Variants in CCNY observed in about 807,000 individuals in gnomAD.
CCNY encodes the protein cyclin-Y.
CCNY carries 19 observed loss-of-function variants against 42.8 expected under a neutral mutation model. The observed-to-expected ratio is 0.44, with a 90% CI of 0.31 to 0.65. CCNY has a LOEUF of 0.65. Ranked by LOEUF, CCNY falls within the 30% of genes least tolerant of loss-of-function variation. The pLI is 0.07. For synonymous variants in CCNY, 165 were observed against 162.7 expected (o/e 1.01, Z -0.11); for missense variants, 370 against 437.3 (o/e 0.85, Z 1.37).
chr10:35,474,321 T>G (rs1041009326), intron 1 of CCNY, among the ~76,000 whole-genome samples: 1 of 152,216 alleles, frequency 6.6e-6, no homozygotes, highest in African/African-American at 2.4e-5. Flanking sequence ...TGCGTGCCTC[T>G]GTAGGCTCCA....
At chr10:35,340,921 A>C (rs1742079314) in intron 1 of CCNY, among the ~76,000 whole-genome samples, 1 of 152,102 alleles carries the variant, frequency 6.6e-6, no homozygotes, top group African/African-American at 2.4e-5. Context: ...TCAGACTTTG[A>C]CCACTCTCAA....
At chr10:35,257,248 TTC>T (rs528812488) in intron 3 of CCNY, among the ~76,000 whole-genome samples, 3 of 119,722 alleles carry the variant, frequency 2.5e-5, no homozygotes, top group Admixed American at 8.2e-5. Context: ...TCCTCTTTCT[TTC>T]TCTCTCTCTT....
chr10:35,451,812 C>G (rs113974793), intron 1 of CCNY, among the ~76,000 whole-genome samples: 1,939 of 152,266 alleles, frequency 0.013, 36 homozygotes, highest in African/African-American at 0.044. Context: ...CTCACCTCCA[C>G]GCATGGCAGG....
At chr10:35,405,893 C>T (rs1395983434) in intron 1 of CCNY, among the ~76,000 whole-genome samples, 4 of 152,210 alleles carry the variant, frequency 2.6e-5, no homozygotes, top group African/African-American at 4.8e-5. Context: ...GGAGGAATCC[C>T]GGGCTGCGGG....
At chr10:35,436,439 T>C (rs1838534960) in intron 1 of CCNY, among the ~76,000 whole-genome samples, 1 of 152,192 alleles carries the variant, frequency 6.6e-6, no homozygotes, top group Non-Finnish European at 1.5e-5. Context: ...TGCAGTTGGT[T>C]GAAGGGTTTC....
intron 1 of CCNY, among the ~76,000 whole-genome samples, chr10:35,356,534 G>C (rs964060085): frequency 6.6e-6 from 1 of 152,170 alleles, no homozygotes; most frequent in Non-Finnish European, 1.5e-5. Flanking sequence ...TGCTTCACAT[G>C]GGGTGGGTCC....
chr10:35,366,136 A>G (rs542385615), intron 1 of CCNY, among the ~76,000 whole-genome samples: 2 of 152,386 alleles, frequency 1.3e-5, no homozygotes, highest in South Asian at 2.1e-4. Flanking sequence ...ATTTGCAAAC[A>G]TACATGCAGT....
chr10:35,554,749 C>T (rs1298872692), intron 8 of CCNY, among the ~76,000 whole-genome samples: 2 of 152,178 alleles, frequency 1.3e-5, no homozygotes, highest in African/African-American at 4.8e-5. Context: ...GCCAGAATAC[C>T]TAATGAAATT....
At chr10:35,531,025 T>G (rs549213133) in intron 7 of CCNY, among the ~76,000 whole-genome samples, 12 of 152,324 alleles carry the variant, frequency 7.9e-5, no homozygotes, top group African/African-American at 2.2e-4. Context: ...GCTATGATCA[T>G]GCCACTGCAC....
At chr10:35,482,015 T>G (rs1310822861) in intron 1 of CCNY, among the ~76,000 whole-genome samples, 1 of 152,234 alleles carries the variant, frequency 6.6e-6, no homozygotes, top group Non-Finnish European at 1.5e-5. Context: ...GATCAGATAA[T>G]TGAAGTAGCA....
intron 1 of CCNY, among the ~76,000 whole-genome samples, chr10:35,417,112 T>C (rs569660261): frequency 8.5e-5 from 13 of 152,334 alleles, no homozygotes; most frequent in African/African-American, 3.1e-4. Context: ...TCACTTCTTA[T>C]GCTCCATTGT....
At chr10:35,411,343 T>A (rs1420715925) in intron 1 of CCNY, among the ~76,000 whole-genome samples, 1 of 151,646 alleles carries the variant, frequency 6.6e-6, no homozygotes, top group Non-Finnish European at 1.5e-5. Flanking sequence ...TGAAACCCCG[T>A]CTCTACTAAA....
chr10:35,381,647 A>G (rs1187151280), intron 1 of CCNY, among the ~76,000 whole-genome samples: 4 of 152,004 alleles, frequency 2.6e-5, no homozygotes, highest in African/African-American at 7.3e-5. Context: ...CCCTAAACAC[A>G]TGGGGATTCA....
intron 1 of CCNY, among the ~76,000 whole-genome samples, chr10:35,465,198 C>T (rs1024802950): frequency 3.3e-5 from 5 of 152,034 alleles, no homozygotes; most frequent in Admixed American, 6.6e-5. Context: ...GACTGTTGAA[C>T]ATTTGGACTT....
At chr10:35,313,543 C>T (rs1027804769) in intron 3 of CCNY, among the ~76,000 whole-genome samples, 9 of 152,150 alleles carry the variant, frequency 5.9e-5, no homozygotes, top group Admixed American at 1.3e-4. Flanking sequence ...GATTGAGGCA[C>T]GGGAGCCTCC....
At chr10:35,283,996 A>G (rs551122504) in intron 3 of CCNY, among the ~76,000 whole-genome samples, 2 of 152,232 alleles carry the variant, frequency 1.3e-5, no homozygotes, top group South Asian at 2.1e-4. Flanking sequence ...AGGCAGGAGA[A>G]TCACTTGAAC....
chr10:35,374,196 T>C (rs1724376197), intron 1 of CCNY, among the ~76,000 whole-genome samples: 2 of 152,236 alleles, frequency 1.3e-5, no homozygotes, highest in South Asian at 2.1e-4. Context: ...CCTAGAAGTT[T>C]TAGTGCAGCA....
intron 9 of CCNY, among the ~76,000 whole-genome samples, chr10:35,566,705 TTGTTTTTTTG>T (rs1392374989): frequency 6.6e-6 from 1 of 152,146 alleles, no homozygotes; most frequent in Non-Finnish European, 1.5e-5. Flanking sequence ...CAAAGGTTTT[TTGTTTTTTTG>T]GGTTTTTTTG....
chr10:35,382,746 C>T (rs1837215991), intron 1 of CCNY, among the ~76,000 whole-genome samples: 1 of 152,110 alleles, frequency 6.6e-6, no homozygotes, highest in Non-Finnish European at 1.5e-5. Flanking sequence ...TTCATTTCCT[C>T]AAAATGGGAA....
Sources: gnomAD v4.1 joint callset for allele counts (sites outside exome capture counted in the v4.1 genomes callset) on GRCh38, gnomAD v4.1.1 for gene constraint, MANE v1.5 for transcripts, NCBI Gene and HGNC (gene_info 2026-07-23, HGNC 2026-07-21) for gene names.